Variants in KSR2 observed in about 807,000 individuals in gnomAD.
KSR2 encodes the protein kinase suppressor of ras 2.
Under a neutral mutation model 107.8 loss-of-function variants are expected in KSR2, and 25 were observed. The ratio of observed to expected loss-of-function variants is 0.23; its 90% confidence interval spans 0.17 to 0.32. The LOEUF (loss-of-function observed/expected upper bound fraction) is 0.32, where lower values mean the gene tolerates loss of function less well. Ranked by LOEUF, KSR2 falls within the 10% of genes least tolerant of loss-of-function variation. KSR2 has a pLI of 1.00. For synonymous variants in KSR2, 480 were observed against 507.0 expected, an observed-to-expected ratio of 0.95 and a Z score of 0.71; for missense variants, 887 against 1,268.9, an observed-to-expected ratio of 0.70 and a Z score of 4.57.
intron 9 of KSR2, among the ~76,000 whole-genome samples, chr12:117,540,775 T>A (rs991382154): frequency 2.0e-5 from 3 of 152,192 alleles, no homozygotes; most frequent in Non-Finnish European, 2.9e-5. Context: ...TGGAACAGAT[T>A]GTCCTTCAGA....
At chr12:117,480,921 G>T (rs1872135368) in intron 16 of KSR2, among the ~76,000 whole-genome samples, 1 of 152,104 alleles carries the variant, frequency 6.6e-6, no homozygotes, top group Non-Finnish European at 1.5e-5. Context: ...GCCCAGCTGG[G>T]CATGGTGGTG....
intron 4 of KSR2, among the ~76,000 whole-genome samples, chr12:117,730,147 T>C (rs1366127305): frequency 1.3e-5 from 2 of 152,180 alleles, no homozygotes; most frequent in Non-Finnish European, 2.9e-5. Context: ...AATAAAACTT[T>C]ATTTACAAAA....
chr12:117,507,817 G>T (rs550406996), intron 14 of KSR2, among the ~76,000 whole-genome samples: 1 of 152,294 alleles, frequency 6.6e-6, no homozygotes, highest in East Asian at 1.9e-4. Context: ...AGTTAATGGG[G>T]TATAAAATAG....
chr12:117,660,281 T>G (rs1259128524), intron 5 of KSR2, among the ~76,000 whole-genome samples: 1 of 152,220 alleles, frequency 6.6e-6, no homozygotes, highest in Admixed American at 6.5e-5. Context: ...AGGTTTATTC[T>G]CTCACTGTTC....
intron 16 of KSR2, among the ~76,000 whole-genome samples, chr12:117,483,680 C>T (rs999246807): frequency 6.6e-5 from 10 of 152,196 alleles, no homozygotes; most frequent in African/African-American, 2.4e-4. Flanking sequence ...ATGCGGCTTG[C>T]TCTAGGGTGA....
chr12:117,539,532 T>G, intron 10 of KSR2, 187 bp downstream of exon 10: 1 of 533,084 alleles, frequency 1.9e-6, no homozygotes, highest in Non-Finnish European at 3.2e-6. Flanking sequence ...AAATAAGTGA[T>G]ATAAGGGTAA....
chr12:117,553,459 C>A (rs1024255927), intron 9 of KSR2, among the ~76,000 whole-genome samples: 2 of 152,108 alleles, frequency 1.3e-5, no homozygotes, highest in African/African-American at 4.8e-5. Context: ...AAGTATCACT[C>A]TGGCTGCTGT....
chr12:117,903,680 A>G (rs1489710886), intron 1 of KSR2, among the ~76,000 whole-genome samples: 2 of 152,220 alleles, frequency 1.3e-5, no homozygotes, highest in Non-Finnish European at 2.9e-5. Context: ...TTAAAGAAGC[A>G]GCATATTTTC....
chr12:117,651,183 G>T (rs763547300), intron 5 of KSR2, among the ~76,000 whole-genome samples: 1 of 152,192 alleles, frequency 6.6e-6, no homozygotes, highest in East Asian at 1.9e-4. Context: ...GCTGCCATCA[G>T]CCTTTCCACC....
intron 5 of KSR2, 84 bp from the exon 6 acceptor site, chr12:117,582,443 C>CCCCCCTTT: frequency 4.1e-6 from 4 of 982,706 alleles, no homozygotes; most frequent in Non-Finnish European, 6.5e-6. Context: ...AAAAGGGGGG[C>CCCCCCTTT]TCGTCACCCT....
chr12:117,592,886 G>A (rs1880409877), intron 5 of KSR2, among the ~76,000 whole-genome samples: 1 of 152,202 alleles, frequency 6.6e-6, no homozygotes, highest in Admixed American at 6.5e-5. Flanking sequence ...ATGGATCAGA[G>A]AGGGGAGTGT....
intron 1 of KSR2, among the ~76,000 whole-genome samples, chr12:117,951,596 G>T (rs1484487063): frequency 2.0e-5 from 3 of 152,092 alleles, no homozygotes; most frequent in Non-Finnish European, 4.4e-5. Flanking sequence ...AACAACTCCA[G>T]ACCCCCCAGA....
At chr12:117,635,808 T>TC (rs977091901) in intron 5 of KSR2, among the ~76,000 whole-genome samples, 1 of 151,824 alleles carries the variant, frequency 6.6e-6, no homozygotes, top group Admixed American at 6.6e-5. Flanking sequence ...TTTTTTTTTT[T>TC]TGAGACAGAG....
At chr12:117,659,248 C>T (rs1264527542) in intron 5 of KSR2, among the ~76,000 whole-genome samples, 1 of 152,168 alleles carries the variant, frequency 6.6e-6, no homozygotes, top group Non-Finnish European at 1.5e-5. Context: ...ATTTTGGTCA[C>T]CACAACTCCT....
intron 1 of KSR2, among the ~76,000 whole-genome samples, chr12:117,879,970 A>C (rs1893974310): frequency 6.6e-6 from 1 of 152,134 alleles, no homozygotes; most frequent in Non-Finnish European, 1.5e-5. Context: ...AACATGGCAA[A>C]ACCCTGTCTC....
intron 9 of KSR2, among the ~76,000 whole-genome samples, chr12:117,550,926 C>T (rs542848432): frequency 1.3e-5 from 2 of 152,328 alleles, no homozygotes; most frequent in East Asian, 3.9e-4. Flanking sequence ...ATGATGATTT[C>T]CCTTTCTCTG....
At chr12:117,677,770 T>A (rs1379191709) in intron 4 of KSR2, among the ~76,000 whole-genome samples, 4 of 152,238 alleles carry the variant, frequency 2.6e-5, no homozygotes, top group Non-Finnish European at 5.9e-5. Flanking sequence ...ATGAGCTCTA[T>A]CTCAATGTTG....
chr12:117,828,011 G>A (rs1891820516), intron 3 of KSR2, among the ~76,000 whole-genome samples: 1 of 152,044 alleles, frequency 6.6e-6, no homozygotes, highest in South Asian at 2.1e-4. Flanking sequence ...TATCTCCTGG[G>A]GAGAAAAAAT....
intron 3 of KSR2, among the ~76,000 whole-genome samples, chr12:117,779,492 G>A (rs1048931012): frequency 3.9e-5 from 6 of 152,220 alleles, no homozygotes; most frequent in Admixed American, 2.6e-4. Flanking sequence ...AGCAAGCAGT[G>A]GGCCTGCTAT....
Sources: allele counts gnomAD v4.1 joint callset (sites outside exome capture counted in the v4.1 genomes callset), GRCh38; gene constraint gnomAD v4.1.1; transcripts MANE v1.5; gene names NCBI Gene and HGNC (gene_info 2026-07-23, HGNC 2026-07-21).